MBOAT2: variants seen among roughly 807,000 people sequenced by gnomAD.
The protein encoded by MBOAT2 is membrane-bound glycerophospholipid O-acyltransferase 2.
A neutral mutation model predicts 63.4 loss-of-function variants in MBOAT2; 28 were observed. The observed-to-expected ratio is 0.44, with a 90% CI of 0.33 to 0.61. MBOAT2 has a LOEUF of 0.61. Among genes scored for constraint, MBOAT2 ranks in the 20% least tolerant of loss-of-function variants. The pLI is 0.03. For synonymous variants in MBOAT2, 211 were observed against 215.6 expected, an observed-to-expected ratio of 0.98 and a Z score of 0.19; for missense variants, 470 against 605.8, an observed-to-expected ratio of 0.78 and a Z score of 2.35.
chr2:8,865,344 T>A (rs960464636), intron 9 of MBOAT2, among the ~76,000 whole-genome samples: 2 of 152,194 alleles, frequency 1.3e-5, no homozygotes, highest in Non-Finnish European at 2.9e-5. Flanking sequence ...AGAGATGATA[T>A]AAAATCATCA....
intron 1 of MBOAT2, among the ~76,000 whole-genome samples, chr2:8,972,967 C>T (rs1670557363): frequency 6.6e-6 from 1 of 152,154 alleles, no homozygotes; most frequent in Non-Finnish European, 1.5e-5. Context: ...GTGACGATTC[C>T]TCAAGGATCT....
At chr2:8,929,281 G>T (rs10189444) in intron 3 of MBOAT2, among the ~76,000 whole-genome samples, 10,315 of 152,120 alleles carry the variant, frequency 0.068, 378 homozygotes, top group Middle Eastern at 0.099. Context: ...ATGCATTGGG[G>T]GTAAGAAATA....
intron 4 of MBOAT2, among the ~76,000 whole-genome samples, chr2:8,904,859 G>A (rs1386212280): frequency 1.3e-5 from 2 of 152,128 alleles, no homozygotes; most frequent in South Asian, 2.1e-4. Context: ...TCTATTTTCT[G>A]AGGCTAACAT....
At chr2:8,951,207 C>CTTTT (rs538984583) in intron 2 of MBOAT2, among the ~76,000 whole-genome samples, 1 of 138,654 alleles carries the variant, frequency 7.2e-6, no homozygotes. Flanking sequence ...CTGGTACCAG[C>CTTTT]TTTTTTTTTT....
At position 8,858,601 on chromosome 2, in the gene MBOAT2, C is replaced by T; in HGVS notation, c.*78G>A. 9.0e-7 allele frequency: 1 copy of T among 1,111,596 alleles called. No homozygotes were observed. Among genetic ancestry groups the T allele is most frequent in the South Asian group, 1.5e-5 (1 of 64,952 alleles). The allele number at this position is 1,111,596 out of a possible 1,614,324, so 68.9% of individuals were successfully genotyped here. On this transcript the variant is annotated 3_prime_UTR_variant, in exon 13 of 13. Coordinates refer to ENST00000305997, the MANE Select transcript of MBOAT2 (RefSeq NM_138799.4). ...CCCAGTTAACTGCTTTTCCAACAAACTCAAACCCCTTGAAAAGGTGCTAAG... is the reference window on the plus strand; with the variant it reads ...CCCAGTTAACTGCTTTTCCAACAAATTCAAACCCCTTGAAAAGGTGCTAAG...
intron 3 of MBOAT2, among the ~76,000 whole-genome samples, chr2:8,920,138 A>T (rs1208008839): frequency 2.0e-5 from 3 of 152,000 alleles, no homozygotes; most frequent in African/African-American, 4.8e-5. Flanking sequence ...AGTCACAGAG[A>T]ATTTCTCCTG....
rs1189930692 is a variant in MBOAT2, at chr2:8,882,538, G to T, written c.479C>A (p.Thr160Asn). ...TACAGCTAAATCCCTCTGTGAGGAA[G>T]TCAGTTCTTCATCCTTCCGAAACAT... ...DGMFRKDEELTSSQRDLAVRR... is the reference protein window; with the variant it reads ...DGMFRKDEELNSSQRDLAVRR... The change falls in exon 6 of 13, where the codon ACT becomes AAT. Residue 160 changes from threonine (T) to asparagine (N), a missense_variant. Thr to Asn is a moderately conservative substitution (Grantham distance 65). Coordinates refer to ENST00000305997, the MANE Select transcript of MBOAT2 (RefSeq NM_138799.4). 4 of 1,614,244 alleles carry T rather than the reference G, an allele frequency of 2.5e-6. No homozygotes were observed. Among genetic ancestry groups the T allele is most frequent in the African/African-American group, 2.7e-5 (2 of 75,066 alleles).
chr2:8,947,152 T>A (rs1227729414), intron 2 of MBOAT2, among the ~76,000 whole-genome samples: 7 of 152,348 alleles, frequency 4.6e-5, no homozygotes, highest in African/African-American at 1.4e-4. Flanking sequence ...AAAGTTTAAT[T>A]GTCTGGACAG....
chr2:8,878,325 A>G (rs1395135705), intron 6 of MBOAT2, among the ~76,000 whole-genome samples: 2 of 152,228 alleles, frequency 1.3e-5, no homozygotes, highest in Non-Finnish European at 2.9e-5. Context: ...TAAAAAAAAC[A>G]GCTGCATTAA....
At chr2:8,894,491 G>A (rs549347078) in intron 4 of MBOAT2, among the ~76,000 whole-genome samples, 10 of 152,336 alleles carry the variant, frequency 6.6e-5, no homozygotes, top group Admixed American at 5.2e-4. Context: ...CAGTTGCTGG[G>A]CGCCATGTGC....
chr2:8,852,797 A>G lies in MBOAT2; in HGVS notation c.*5882T>C, dbSNP rs1312661890. The G allele has an allele frequency of 6.6e-6, 1 of 152,230 alleles. No homozygotes were observed. The highest frequency in any genetic ancestry group is 1.5e-5 in the Non-Finnish European group (1 of 68,040). The allele number at this position is 152,230 out of a possible 1,614,324, so 9.4% of individuals were successfully genotyped here. A position where few individuals can be genotyped will look rare whatever the true frequency, so the allele number is the denominator to read the frequency against. On this transcript the variant is annotated 3_prime_UTR_variant, in exon 13 of 13. Transcript: ENST00000305997. ...TTAAAAACACCTTTAAAAACCAGCA[A>G]TAAGCCACCAGTGCAGCTCTGACAG...
At chr2:8,951,956 C>A (rs1406065487) in intron 2 of MBOAT2, among the ~76,000 whole-genome samples, 1 of 152,068 alleles carries the variant, frequency 6.6e-6, no homozygotes, top group Non-Finnish European at 1.5e-5. Flanking sequence ...TATTTCTTTT[C>A]TTCTGCTAGC....
At chr2:8,971,038 C>T (rs1339467486) in intron 1 of MBOAT2, among the ~76,000 whole-genome samples, 1 of 152,182 alleles carries the variant, frequency 6.6e-6, no homozygotes, top group Non-Finnish European at 1.5e-5. Flanking sequence ...CATCCTGATA[C>T]CAAAGCCTGG....
intron 1 of MBOAT2, chr2:8,974,470 A>G (rs1370424432): frequency 4.4e-6 from 2 of 455,838 alleles, no homozygotes; most frequent in African/African-American, 2.0e-5. Flanking sequence ...GAACAGAAAG[A>G]TTAAAGAACC....
At chr2:8,972,071 G>C (rs908212061) in intron 1 of MBOAT2, among the ~76,000 whole-genome samples, 5 of 152,140 alleles carry the variant, frequency 3.3e-5, no homozygotes, top group Non-Finnish European at 5.9e-5. Flanking sequence ...ACAATCCTAA[G>C]CCAAAAGAAT....
intron 2 of MBOAT2, among the ~76,000 whole-genome samples, chr2:8,953,790 CT>C (rs1424478484): frequency 1.3e-5 from 2 of 152,168 alleles, no homozygotes; most frequent in Admixed American, 1.3e-4. Context: ...TGACTGATTT[CT>C]TTTACAGATG....
intron 3 of MBOAT2, among the ~76,000 whole-genome samples, chr2:8,913,597 T>C (rs1665943105): frequency 6.6e-6 from 1 of 152,066 alleles, no homozygotes; most frequent in South Asian, 2.1e-4. Context: ...TCACTAATGA[T>C]CAGGGAAATG....
intron 3 of MBOAT2, among the ~76,000 whole-genome samples, chr2:8,931,545 C>T (rs1667320731): frequency 6.6e-6 from 1 of 152,154 alleles, no homozygotes; most frequent in Non-Finnish European, 1.5e-5. Flanking sequence ...GTGGACTGTT[C>T]ACTCTGATGA....
chr2:8,919,019 G>C (rs750947978), intron 3 of MBOAT2, among the ~76,000 whole-genome samples: 1 of 152,190 alleles, frequency 6.6e-6, no homozygotes, highest in Non-Finnish European at 1.5e-5. Flanking sequence ...GTAGTCTTTT[G>C]TATCTGGCTT....
Sources: allele counts gnomAD v4.1 joint callset (sites outside exome capture counted in the v4.1 genomes callset), GRCh38; gene constraint gnomAD v4.1.1; transcripts MANE v1.5; gene names NCBI Gene and HGNC (gene_info 2026-07-23, HGNC 2026-07-21).